CTBP2: variants seen among roughly 807,000 people sequenced by gnomAD.
CTBP2 encodes C-terminal-binding protein 2.
In CTBP2, 30 loss-of-function variants were observed where a neutral mutation model predicts 80.3. The ratio of observed to expected loss-of-function variants is 0.37; its 90% CI spans 0.28 to 0.51. CTBP2 has a LOEUF of 0.51. Ranked by LOEUF, CTBP2 falls within the 20% of genes least tolerant of loss-of-function variation. The probability of loss-of-function intolerance (pLI) is 0.93; values close to 1 mark genes in which losing one functional copy is unlikely to be tolerated. For missense variants in CTBP2, 1,212 were observed against 1,375.3 expected (o/e 0.88, Z 1.88); for synonymous variants, 594 against 587.4 (o/e 1.01, Z -0.16).
intron 3 of CTBP2, among the ~76,000 whole-genome samples, chr10:125,033,865 C>T (rs1958537017): frequency 6.6e-6 from 1 of 152,086 alleles, no homozygotes. Context: ...ACTCAATCAT[C>T]GATGGAGACA....
At chr10:125,055,661 C>T (rs1369499405) in intron 2 of CTBP2, among the ~76,000 whole-genome samples, 1 of 152,192 alleles carries the variant, frequency 6.6e-6, no homozygotes, top group Non-Finnish European at 1.5e-5. Context: ...CCCCGAACCA[C>T]ACTCCAAGGG....
chr10:125,021,183 C>A (rs1452749087), intron 1 of CTBP2, among the ~76,000 whole-genome samples: 1 of 152,186 alleles, frequency 6.6e-6, no homozygotes, highest in Non-Finnish European at 1.5e-5. Flanking sequence ...TCAACCACGA[C>A]AAGAAAAGCG....
chr10:125,106,349 T>C (rs1590815187), intron 2 of CTBP2, among the ~76,000 whole-genome samples: 1 of 152,098 alleles, frequency 6.6e-6, no homozygotes, highest in South Asian at 2.1e-4. Flanking sequence ...CCCTGCAGTG[T>C]ATGGGAAGCC....
At chr10:125,062,567 T>TA (rs61055952) in intron 2 of CTBP2, among the ~76,000 whole-genome samples, 25,117 of 152,052 alleles carry the variant, frequency 0.17, 2,655 homozygotes, top group East Asian at 0.51. Context: ...CCATCAGTAA[T>TA]AAAAAATACG....
intron 2 of CTBP2, among the ~76,000 whole-genome samples, chr10:125,107,705 G>A (rs1399106149): frequency 6.6e-6 from 1 of 152,180 alleles, no homozygotes; most frequent in African/African-American, 2.4e-5. Context: ...AGCACACTGA[G>A]TTTCCAGCAC....
intron 1 of CTBP2, among the ~76,000 whole-genome samples, chr10:125,013,409 G>A (rs58102619): frequency 6.6e-6 from 1 of 152,150 alleles, no homozygotes; most frequent in African/African-American, 2.4e-5. Context: ...AAATAGTCTC[G>A]TGCGGGCACC....
chr10:125,072,310 C>A (rs966181007), intron 2 of CTBP2, among the ~76,000 whole-genome samples: 6 of 151,768 alleles, frequency 4.0e-5, no homozygotes, highest in Non-Finnish European at 4.4e-5. Context: ...CCTATCTGTC[C>A]TGCAAGAAAA....
intron 1 of CTBP2, among the ~76,000 whole-genome samples, chr10:125,010,580 T>C (rs992733253): frequency 2.0e-5 from 3 of 152,148 alleles, no homozygotes; most frequent in Non-Finnish European, 4.4e-5. Flanking sequence ...ACATCACTAA[T>C]CGATCCCCAC....
At chr10:125,105,250 C>A (rs537526153) in intron 2 of CTBP2, among the ~76,000 whole-genome samples, 11 of 152,316 alleles carry the variant, frequency 7.2e-5, no homozygotes, top group African/African-American at 2.6e-4. Flanking sequence ...CAGGCTCACA[C>A]AATCCTCCCA....
intron 1 of CTBP2, among the ~76,000 whole-genome samples, chr10:125,155,362 C>G (rs1238824262): frequency 6.6e-6 from 1 of 152,026 alleles, no homozygotes; most frequent in Non-Finnish European, 1.5e-5. Flanking sequence ...TGGCCTGGCT[C>G]TCTCCCTATT....
upstream of CTBP2, among the ~76,000 whole-genome samples, chr10:125,032,042 G>T (rs994179980): frequency 4.6e-5 from 7 of 151,920 alleles, no homozygotes; most frequent in African/African-American, 7.3e-5. Context: ...CACTCATTAT[G>T]GGGTTTCAAA....
intron 2 of CTBP2, among the ~76,000 whole-genome samples, chr10:125,079,358 A>G (rs1384043397): frequency 1.3e-5 from 2 of 152,106 alleles, no homozygotes; most frequent in Admixed American, 6.5e-5. Flanking sequence ...ATTCCTCTCC[A>G]GGGAGGAAAA....
chr10:125,104,321 T>G (rs1236907980), intron 2 of CTBP2, among the ~76,000 whole-genome samples: 1 of 152,228 alleles, frequency 6.6e-6, no homozygotes, highest in East Asian at 1.9e-4. Flanking sequence ...CATCCACGGC[T>G]GTGTTTTTTC....
At chr10:125,095,656 G>A (rs1849431219) in intron 2 of CTBP2, among the ~76,000 whole-genome samples, 1 of 152,206 alleles carries the variant, frequency 6.6e-6, no homozygotes, top group Non-Finnish European at 1.5e-5. Context: ...CCACGTCTGG[G>A]TGGCTCCTGA....
At chr10:125,002,808 G>A (rs773180545) in intron 3 of CTBP2, 152 bp downstream of exon 5, 66 of 868,962 alleles carry the variant, frequency 7.6e-5, no homozygotes, top group Admixed American at 7.2e-4. Context: ...GGGCCGCAAG[G>A]TGCTCCACAG....
rs1269983860 is a variant in CTBP2 at position 125,087,435 on chromosome 10, G to A, written c.-102+23555C>T. ...GGTCAGTGGCATGATGCGCTGGGCC[G>A]TCCTCCACAGGTTATTATAAAGAAG... On this transcript the variant is annotated intron_variant, in intron 2 of 10. Transcript: ENST00000337195. Among the ~76,000 whole-genome samples, 4 of 152,050 alleles carry A rather than the reference G, an allele frequency of 2.6e-5. 1 individual carries two copies. Among genetic ancestry groups the A allele is most frequent in the Admixed American group, 6.5e-5 (1 of 15,276 alleles).
intron 2 of CTBP2, among the ~76,000 whole-genome samples, chr10:125,109,070 G>A (rs770615682): frequency 9.2e-5 from 14 of 152,238 alleles, no homozygotes; most frequent in Non-Finnish European, 1.6e-4. Flanking sequence ...CAGGATCCCA[G>A]AGTGGCTCTG....
At chr10:125,136,430 T>A (rs1395405958) in intron 1 of CTBP2, among the ~76,000 whole-genome samples, 2 of 152,182 alleles carry the variant, frequency 1.3e-5, no homozygotes, top group African/African-American at 4.8e-5. Flanking sequence ...TCAGGCTTGT[T>A]CAGGCCACCA....
Position 124,989,710 on chromosome 10 carries a change from A to G in CTBP2, c.2778-12T>C. The G allele has an allele frequency of 6.4e-7, 1 of 1,556,644 alleles. No individual in the cohort carries two copies. The highest frequency in any genetic ancestry group is 2.3e-5 in the East Asian group (1 of 44,436). On this transcript the variant is annotated splice_polypyrimidine_tract_variant and intron_variant, in intron 8 of 8. Coordinates refer to ENST00000309035, the MANE Select transcript of CTBP2 (RefSeq NM_022802.3). ...TGCCTGGCGGATATCTAAGGAACAC[A>G]CAGAAATAGGGCCTTGTAAGTTCAG...
Sources: gnomAD v4.1 joint callset for allele counts (sites outside exome capture counted in the v4.1 genomes callset) on GRCh38, gnomAD v4.1.1 for gene constraint, MANE v1.5 for transcripts, NCBI Gene and HGNC (gene_info 2026-07-23, HGNC 2026-07-21) for gene names.